Variants in CAST observed in about 807,000 individuals in gnomAD.
CAST encodes calpastatin.
Under a neutral mutation model 119.6 loss-of-function variants are expected in CAST, and 76 were observed. The ratio of observed to expected loss-of-function variants is 0.64; its 90% CI spans 0.53 to 0.77. CAST has a LOEUF of 0.77. Among genes scored for constraint, CAST ranks in the 30% least tolerant of loss-of-function variants. CAST has a pLI of 0.00. For synonymous variants in CAST, 319 were observed against 331.6 expected (o/e 0.96, Z 0.41); for missense variants, 953 against 946.5 (o/e 1.01, Z -0.09).
At chr5:96,588,578 A>G (rs1746903969) in intron 1 of CAST, among the ~76,000 whole-genome samples, 1 of 152,122 alleles carries the variant, frequency 6.6e-6, no homozygotes, top group Non-Finnish European at 1.5e-5. Flanking sequence ...AATTCTTCAA[A>G]TACACTTTTT....
the CAST span, among the ~76,000 whole-genome samples, chr5:96,432,491 G>A: frequency 6.6e-6 from 1 of 152,202 alleles, no homozygotes. Flanking sequence ...GGGATGGAGC[G>A]CACTGCTTCT....
At chr5:96,477,871 G>GT in the CAST span, among the ~76,000 whole-genome samples, 1 of 152,172 alleles carries the variant, frequency 6.6e-6, no homozygotes. Flanking sequence ...GCAAACCTTG[G>GT]TAAGAAGACA....
At chr5:96,650,603 C>A (rs995599836) in intron 1 of CAST, among the ~76,000 whole-genome samples, 47 of 152,258 alleles carry the variant, frequency 3.1e-4, no homozygotes, top group Admixed American at 9.8e-4. Context: ...GTGCTTCCTC[C>A]TAAAAATCTT....
At chr5:96,703,760 T>C (rs560639770) in intron 3 of CAST, among the ~76,000 whole-genome samples, 1 of 152,284 alleles carries the variant, frequency 6.6e-6, no homozygotes, top group South Asian at 2.1e-4. Flanking sequence ...CTCTGGAAAG[T>C]TCCTGCTGTT....
At chr5:96,162,693 C>T in the CAST span, among the ~76,000 whole-genome samples, 1 of 152,196 alleles carries the variant, frequency 6.6e-6, no homozygotes, top group Non-Finnish European at 1.5e-5. Flanking sequence ...ACTGTGATTA[C>T]AGGCATGAGC....
chr5:96,236,348 C>T, the CAST span, among the ~76,000 whole-genome samples: 1 of 152,144 alleles, frequency 6.6e-6, no homozygotes, highest in Non-Finnish European at 1.5e-5. Flanking sequence ...CTGTTTGTAC[C>T]CTGACCTGGT....
the CAST span, among the ~76,000 whole-genome samples, chr5:96,332,181 A>G: frequency 6.6e-6 from 1 of 152,192 alleles, no homozygotes; most frequent in African/African-American, 2.4e-5. Context: ...AAACAAAACA[A>G]AACAAACCTC....
At chr5:96,741,153 C>A in intron 13 of CAST, 113 bp from the exon 14 acceptor site, 1 of 662,684 alleles carries the variant, frequency 1.5e-6, no homozygotes, top group East Asian at 2.7e-5. Flanking sequence ...TAACACACCT[C>A]ATTTGGTAGC....
At chr5:96,552,473 T>C (rs752183140) in intron 1 of CAST, among the ~76,000 whole-genome samples, 2 of 152,012 alleles carry the variant, frequency 1.3e-5, no homozygotes, top group Non-Finnish European at 2.9e-5. Context: ...GCAGGAGAGA[T>C]CTAAAATTGA....
the CAST span, among the ~76,000 whole-genome samples, chr5:95,974,353 A>G: frequency 6.6e-6 from 1 of 152,196 alleles, no homozygotes; most frequent in African/African-American, 2.4e-5. Flanking sequence ...TGCCTCAGCA[A>G]CTGAACTTTT....
the CAST span, among the ~76,000 whole-genome samples, chr5:96,312,752 A>G: frequency 6.6e-6 from 1 of 152,104 alleles, no homozygotes; most frequent in East Asian, 1.9e-4. Flanking sequence ...GTGCTCAAAA[A>G]CATAGTTACT....
the CAST span, among the ~76,000 whole-genome samples, chr5:96,499,259 A>AAGTATACCTC: frequency 6.6e-6 from 1 of 152,192 alleles, no homozygotes; most frequent in Non-Finnish European, 1.5e-5. Context: ...TTTTCTTTAT[A>AAGTATACCTC]TGAGCATACC....
the CAST span, among the ~76,000 whole-genome samples, chr5:96,283,481 C>G: frequency 6.6e-6 from 1 of 152,218 alleles, no homozygotes; most frequent in Non-Finnish European, 1.5e-5. Context: ...CACTTAGACT[C>G]TTTCACAAGA....
intron 1 of CAST, among the ~76,000 whole-genome samples, chr5:96,630,133 C>G (rs946443997): frequency 1.3e-5 from 2 of 152,212 alleles, no homozygotes; most frequent in African/African-American, 4.8e-5. Context: ...TTGAATAAAA[C>G]AATCATGTTC....
chr5:96,171,684 G>A, the CAST span, among the ~76,000 whole-genome samples: 1 of 152,186 alleles, frequency 6.6e-6, no homozygotes, highest in East Asian at 1.9e-4. Context: ...AGAAAATGAA[G>A]GAACTGAAAT....
chr5:96,388,179 T>G, the CAST span, among the ~76,000 whole-genome samples: 1 of 152,212 alleles, frequency 6.6e-6, no homozygotes, highest in Non-Finnish European at 1.5e-5. Context: ...CCCTGGCACA[T>G]GCCATGAGAA....
the CAST span, among the ~76,000 whole-genome samples, chr5:96,371,549 A>G: frequency 1.3e-5 from 2 of 152,234 alleles, no homozygotes; most frequent in African/African-American, 4.8e-5. Flanking sequence ...CTCAAGGTGC[A>G]AAATTAAACT....
Position 96,773,505 on chromosome 5 carries a change from G to C in CAST, c.*889G>C, listed in dbSNP as rs976695619. The C allele has an allele frequency of 1.4e-4, 22 of 152,210 alleles. No individual in the cohort carries two copies. The highest frequency in any genetic ancestry group is 5.1e-4 in the African/African-American group (21 of 41,424). 9.4% of individuals were successfully genotyped at this position (152,210 alleles called of 1,614,324 possible). ...AACCTGAGCAGCAACTGTGTCTTTA[G>C]AGCTATTGCCACATTAGCCTTTGCA... On this transcript the variant is annotated 3_prime_UTR_variant, in exon 32 of 32. Transcript: ENST00000675179.
intron 1 of CAST, among the ~76,000 whole-genome samples, chr5:96,540,187 A>G (rs1463618367): frequency 6.6e-6 from 1 of 152,020 alleles, no homozygotes. Context: ...TTAAACAGTT[A>G]ATTATATTTT....
Sources: gnomAD v4.1 joint callset for allele counts (sites outside exome capture counted in the v4.1 genomes callset) on GRCh38, gnomAD v4.1.1 for gene constraint, MANE v1.5 for transcripts, NCBI Gene and HGNC (gene_info 2026-07-23, HGNC 2026-07-21) for gene names.